The following CALD1 variants were observed in gnomAD, a reference collection of about 807,000 sequenced individuals.
CALD1 encodes caldesmon 1, also known as caldesmon.
Under a neutral mutation model 99.9 loss-of-function variants are expected in CALD1, and 33 were observed. The ratio of observed to expected loss-of-function variants is 0.33; its 90% CI spans 0.25 to 0.44. The LOEUF is 0.44. Among genes scored for constraint, CALD1 ranks in the 20% least tolerant of loss-of-function variants. The pLI is 1.00. For synonymous variants in CALD1, 310 were observed against 325.0 expected (o/e 0.95, Z 0.50); for missense variants, 861 against 962.1 (o/e 0.89, Z 1.39).
At chr7:134,878,475 A>G (rs1214931854) in intron 3 of CALD1, among the ~76,000 whole-genome samples, 1 of 152,146 alleles carries the variant, frequency 6.6e-6, no homozygotes, top group Admixed American at 6.5e-5. Flanking sequence ...AGGCTGAGGC[A>G]GGAGAATCAC....
At chr7:134,921,334 G>A (rs1186992221) in intron 3 of CALD1, among the ~76,000 whole-genome samples, 1 of 152,212 alleles carries the variant, frequency 6.6e-6, no homozygotes, top group Non-Finnish European at 1.5e-5. Flanking sequence ...CAATTGTCAT[G>A]AGATCTTAAT....
At chr7:134,907,821 A>G (rs1803513987) in intron 3 of CALD1, among the ~76,000 whole-genome samples, 1 of 152,100 alleles carries the variant, frequency 6.6e-6, no homozygotes, top group Non-Finnish European at 1.5e-5. Context: ...CTCAGACACG[A>G]GCAATCCTTC....
chr7:134,758,175 T>G (rs1796746428), intron 1 of CALD1, among the ~76,000 whole-genome samples: 1 of 152,224 alleles, frequency 6.6e-6, no homozygotes, highest in Non-Finnish European at 1.5e-5. Context: ...TCTATGCTTC[T>G]TTCCTAAAGC....
Position 134,795,027 on chromosome 7 carries a change from T to A in CALD1, c.-130+15278T>A, listed in dbSNP as rs78990366. Reference sequence around the variant, plus strand: ...TGTAAGTCGCTGGAAGCCAGTCCACTGATACCTGAAATACTTGACAGAATG... The same window carrying A: ...TGTAAGTCGCTGGAAGCCAGTCCACAGATACCTGAAATACTTGACAGAATG... On this transcript the variant is annotated intron_variant, in intron 1 of 14. Transcript: ENST00000361675. Among the ~76,000 whole-genome samples the A allele has an allele frequency of 7.0e-3, 1,060 of 152,352 alleles. 22 individuals are homozygous for A. Among genetic ancestry groups the A allele is most frequent in the African/African-American group, 0.024 (999 of 41,578 alleles).
At chr7:134,925,734 C>T (rs149181986) in intron 3 of CALD1, among the ~76,000 whole-genome samples, 157 of 152,228 alleles carry the variant, frequency 1.0e-3, no homozygotes, top group Non-Finnish European at 1.8e-3. Context: ...ACACCTGACA[C>T]GGGGGATTAC....
intron 6 of CALD1, among the ~76,000 whole-genome samples, chr7:134,937,800 A>G (rs1163862097): frequency 6.6e-6 from 1 of 152,238 alleles, no homozygotes; most frequent in Non-Finnish European, 1.5e-5. Flanking sequence ...AAAAACACAC[A>G]AAATAAAACC....
chr7:134,827,256 C>G (rs570869608), intron 1 of CALD1, among the ~76,000 whole-genome samples: 229 of 152,252 alleles, frequency 1.5e-3, no homozygotes, highest in African/African-American at 5.2e-3. Context: ...AGGCAGATCT[C>G]CCTATCTCAG....
chr7:134,774,766 A>G (rs1796903941), upstream of CALD1, among the ~76,000 whole-genome samples: 2 of 152,168 alleles, frequency 1.3e-5, no homozygotes, highest in Non-Finnish European at 2.9e-5. Context: ...TGTTGAGTCC[A>G]TTTCCAGCCA....
rs555738389 is a variant in CALD1 at position 134,965,592 on chromosome 7, C to T, written c.2376+206C>T. 1.3e-3 allele frequency among the ~76,000 whole-genome samples: 200 copies of T among 152,244 alleles called. 3 individuals are homozygous for T. The highest frequency in any genetic ancestry group is 4.7e-3 in the African/African-American group (197 of 41,548). On this transcript the variant is annotated intron_variant, in intron 14 of 14. Transcript: ENST00000361675. ...GTCATACAACATAAACGGCCCAAAT[C>T]CATGGAATGGTTCTCAGTAGGACAT...
At chr7:134,900,315 C>G (rs570428953) in intron 3 of CALD1, among the ~76,000 whole-genome samples, 2 of 152,274 alleles carry the variant, frequency 1.3e-5, no homozygotes, top group South Asian at 4.1e-4. Flanking sequence ...GCAGCTGTTT[C>G]ATGAATGTTA....
chr7:134,813,267 G>A (rs779498936), intron 1 of CALD1, among the ~76,000 whole-genome samples: 34 of 152,184 alleles, frequency 2.2e-4, no homozygotes, highest in Non-Finnish European at 4.3e-4. Flanking sequence ...TTTGAAAGAG[G>A]GGCAGAGGAT....
intron 3 of CALD1, chr7:134,891,741 G>A: frequency 1.8e-6 from 1 of 561,780 alleles, no homozygotes; most frequent in Non-Finnish European, 2.6e-6. Context: ...CAAACGAATT[G>A]TTGTAAAAAA....
chr7:134,853,160 A>T (rs1305870183), intron 2 of CALD1, among the ~76,000 whole-genome samples: 1 of 152,144 alleles, frequency 6.6e-6, no homozygotes, highest in East Asian at 1.9e-4. Context: ...TTTCTGATGG[A>T]TCATTATTTT....
At chr7:134,779,163 C>G (rs925419748), upstream of CALD1, among the ~76,000 whole-genome samples, 3 of 152,158 alleles carry the variant, frequency 2.0e-5, no homozygotes, top group Non-Finnish European at 1.5e-5. Context: ...TGGTAAGAAG[C>G]CTTCCCCACC....
intron 1 of CALD1, among the ~76,000 whole-genome samples, chr7:134,801,805 G>A (rs1797954491): frequency 2.0e-5 from 3 of 151,994 alleles, no homozygotes; most frequent in South Asian, 4.1e-4. Flanking sequence ...TTTTTTAAAA[G>A]ATGCTATTTT....
intron 14 of CALD1, among the ~76,000 whole-genome samples, chr7:134,966,057 C>G (rs543306830): frequency 7.4e-4 from 112 of 152,220 alleles, no homozygotes; most frequent in Non-Finnish European, 1.4e-3. Context: ...TGTAGCCTTT[C>G]CCCATTTCAA....
intron 13 of CALD1, 182 bp from the exon 14 acceptor site, chr7:134,965,124 T>A (rs912770160): frequency 3.9e-6 from 2 of 516,648 alleles, no homozygotes; most frequent in Non-Finnish European, 3.5e-6. Flanking sequence ...TCAAAAAAAA[T>A]AAAAAAATAA....
intron 3 of CALD1, among the ~76,000 whole-genome samples, chr7:134,884,625 T>C (rs936575112): frequency 2.2e-5 from 2 of 89,384 alleles, no homozygotes; most frequent in African/African-American, 9.3e-5. Flanking sequence ...AGAACTGTTA[T>C]GAATACTCCA....
At chr7:134,899,819 T>A (rs12666321) in intron 3 of CALD1, 14,908 of 151,688 alleles carry the variant, frequency 0.098, 922 homozygotes, top group East Asian at 0.27. Context: ...AATTTAAAAA[T>A]TTTTTTTTGT....
Sources: gnomAD v4.1 joint callset for allele counts (sites outside exome capture counted in the v4.1 genomes callset) on GRCh38, gnomAD v4.1.1 for gene constraint, MANE v1.5 for transcripts, NCBI Gene and HGNC (gene_info 2026-07-23, HGNC 2026-07-21) for gene names.